The following KCNMA1 variants were observed in gnomAD, a reference collection of about 807,000 sequenced individuals.
KCNMA1 encodes Calcium-activated potassium channel subunit alpha-1.
A neutral mutation model predicts 140.0 loss-of-function variants in KCNMA1; 29 were observed. The ratio of observed to expected loss-of-function variants is 0.21; its 90% CI spans 0.15 to 0.28. The LOEUF (loss-of-function observed/expected upper bound fraction) is 0.28, where lower values mean the gene tolerates loss of function less well. KCNMA1 is among the 10% of genes least tolerant of loss of function. The pLI, the probability that KCNMA1 is intolerant of heterozygous loss-of-function variation, is 1.00. For synonymous variants in KCNMA1, 612 were observed against 611.9 expected, an observed-to-expected ratio of 1.00 and a Z score of 0.00; for missense variants, 880 against 1,602.2, an observed-to-expected ratio of 0.55 and a Z score of 7.70.
intron 2 of KCNMA1, among the ~76,000 whole-genome samples, chr10:77,297,610 G>T (rs139798275): frequency 6.6e-6 from 1 of 152,126 alleles, no homozygotes; most frequent in Non-Finnish European, 1.5e-5. Flanking sequence ...CACTACACAC[G>T]TCTGGTGGCA....
At chr10:77,560,045 T>A (rs1183384894) in intron 1 of KCNMA1, among the ~76,000 whole-genome samples, 1 of 148,620 alleles carries the variant, frequency 6.7e-6, no homozygotes, top group African/African-American at 2.5e-5. Context: ...CAGCCAGGCG[T>A]GGTGGCGGGT....
chr10:77,398,797 G>C (rs1371451019), intron 2 of KCNMA1, among the ~76,000 whole-genome samples: 1 of 152,130 alleles, frequency 6.6e-6, no homozygotes, highest in Non-Finnish European at 1.5e-5. Context: ...CCCTGAATTT[G>C]ACTACCACTG....
chr10:77,542,673 C>T (rs1009688223), intron 1 of KCNMA1, among the ~76,000 whole-genome samples: 2 of 151,850 alleles, frequency 1.3e-5, no homozygotes, highest in Non-Finnish European at 2.9e-5. Flanking sequence ...AAAACAAAAA[C>T]CAATAAGTGA....
At chr10:77,292,857 AG>A (rs2073753262) in intron 2 of KCNMA1, among the ~76,000 whole-genome samples, 1 of 152,254 alleles carries the variant, frequency 6.6e-6, no homozygotes, top group Non-Finnish European at 1.5e-5. Flanking sequence ...GAATACAATA[AG>A]CAAGTAAGCA....
At chr10:77,486,601 C>G (rs370273868) in intron 1 of KCNMA1, among the ~76,000 whole-genome samples, 4 of 152,312 alleles carry the variant, frequency 2.6e-5, no homozygotes, top group East Asian at 3.9e-4. Context: ...ACAGTGAGCT[C>G]TCCATGAGAA....
chr10:77,328,662 T>C (rs1186203764), intron 2 of KCNMA1, among the ~76,000 whole-genome samples: 2 of 152,158 alleles, frequency 1.3e-5, no homozygotes, highest in South Asian at 2.1e-4. Flanking sequence ...TTGCAAATAG[T>C]TGAAGACCTC....
intron 2 of KCNMA1, among the ~76,000 whole-genome samples, chr10:77,311,772 G>A (rs1041108800): frequency 3.7e-4 from 56 of 152,236 alleles, no homozygotes; most frequent in African/African-American, 1.0e-3. Context: ...ATGACATTCC[G>A]CAAGGCTGGA....
At chr10:76,942,373 A>G (rs2152852125) in intron 23 of KCNMA1, among the ~76,000 whole-genome samples, 1 of 152,314 alleles carries the variant, frequency 6.6e-6, no homozygotes, top group Non-Finnish European at 1.5e-5. Flanking sequence ...TAGGATTTCA[A>G]TGTATGTATT....
At chr10:77,275,295 A>C (rs1449668268) in intron 2 of KCNMA1, among the ~76,000 whole-genome samples, 1 of 151,992 alleles carries the variant, frequency 6.6e-6, no homozygotes, top group African/African-American at 2.4e-5. Flanking sequence ...GTACCCAGAA[A>C]ACCTGGGCTC....
chr10:77,063,216 C>A (rs2095820185), intron 14 of KCNMA1, among the ~76,000 whole-genome samples: 1 of 152,080 alleles, frequency 6.6e-6, no homozygotes, highest in African/African-American at 2.4e-5. Flanking sequence ...AGTTTGAGAC[C>A]AGCCTGGGCA....
intron 1 of KCNMA1, among the ~76,000 whole-genome samples, chr10:77,405,909 G>A (rs1054793397): frequency 1.3e-5 from 2 of 152,186 alleles, no homozygotes; most frequent in African/African-American, 4.8e-5. Flanking sequence ...GCCACGGCAG[G>A]CAGGAAGCTG....
At chr10:77,475,701 T>C (rs1282361128) in intron 1 of KCNMA1, among the ~76,000 whole-genome samples, 1 of 152,126 alleles carries the variant, frequency 6.6e-6, no homozygotes, top group Non-Finnish European at 1.5e-5. Context: ...CAAAGTCCTG[T>C]AGCCAGTACA....
chr10:77,065,838 A>G lies in KCNMA1; in HGVS notation c.1749+7259T>C, dbSNP rs112932325. ...AAATGCAGTTCTAATGCCTTAGAGG[A>G]AAGACTCAACTGAGAAATTAATATT... On this transcript the variant is annotated intron_variant, in intron 14 of 27. Coordinates refer to ENST00000286628, the MANE Select transcript of KCNMA1 (RefSeq NM_001161352.2). Among the ~76,000 whole-genome samples the G allele has an allele frequency of 5.3e-3, 808 of 152,288 alleles. 6 individuals carry two copies. The highest frequency in any genetic ancestry group is 0.019 in the African/African-American group (774 of 41,536).
In KCNMA1 at chr10:77,386,413, C is replaced by T. The variant is rs142569215; in HGVS notation, c.540+17449G>A. 4.6e-3 allele frequency among the ~76,000 whole-genome samples: 706 copies of T among 152,270 alleles called. 3 individuals are homozygous for T. The highest frequency in any genetic ancestry group is 5.9e-3 in the Non-Finnish European group (399 of 68,016). Reference sequence around the variant, plus strand: ...AAGGGGAAGAGGAAGAATTGAGGAACGAATGAGGAGTCTGAGAGTGAGTTA... The same window carrying T: ...AAGGGGAAGAGGAAGAATTGAGGAATGAATGAGGAGTCTGAGAGTGAGTTA... On this transcript the variant is annotated intron_variant, in intron 2 of 27. Coordinates refer to ENST00000286628, the MANE Select transcript of KCNMA1 (RefSeq NM_001161352.2).
rs1567439942 is a variant in KCNMA1 at position 77,543,033 on chromosome 10, CT to C, written c.378+94231del. On this transcript the variant is annotated intron_variant, in intron 1 of 27. Transcript: ENST00000286628. Reference sequence around the variant, plus strand: ...TCTCTCTCTTTCTCTCTCTCTCATTCTCTCTCTCTTTCTCTCTCTCTCATTC... The same window carrying C: ...TCTCTCTCTTTCTCTCTCTCTCATTCCTCTCTCTTTCTCTCTCTCTCATTC... 1.1e-4 allele frequency among the ~76,000 whole-genome samples: 3 copies of C among 26,892 alleles called. 1 individual carries two copies. In the East Asian group the frequency reaches 7.4e-3, roughly 66 times the overall value. The allele number at this position is 26,892 out of a possible 152,430, so 17.6% of individuals were successfully genotyped here.
intron 2 of KCNMA1, among the ~76,000 whole-genome samples, chr10:77,341,785 C>T (rs910577193): frequency 9.8e-5 from 15 of 152,332 alleles, no homozygotes; most frequent in African/African-American, 2.2e-4. Context: ...TGGAAGGAAA[C>T]GCTGGGTCCA....
intron 2 of KCNMA1, among the ~76,000 whole-genome samples, chr10:77,359,230 T>C (rs1353926790): frequency 1.3e-5 from 2 of 152,150 alleles, no homozygotes; most frequent in African/African-American, 2.4e-5. Flanking sequence ...TTGAATCTCA[T>C]AGGTGTGGAA....
At chr10:77,340,063 CCTAA>C (rs373020037) in intron 2 of KCNMA1, among the ~76,000 whole-genome samples, 1 of 152,274 alleles carries the variant, frequency 6.6e-6, no homozygotes, top group African/African-American at 2.4e-5. Context: ...CCCAAGGAAT[CCTAA>C]CTAACACAGA....
chr10:77,196,565 C>T (rs1016427889), intron 3 of KCNMA1, among the ~76,000 whole-genome samples: 2 of 152,148 alleles, frequency 1.3e-5, no homozygotes, highest in Admixed American at 1.3e-4. Context: ...CAATATAATA[C>T]ATGGGATATG....
Sources: allele counts gnomAD v4.1 joint callset (sites outside exome capture counted in the v4.1 genomes callset), GRCh38; gene constraint gnomAD v4.1.1; transcripts MANE v1.5; gene names NCBI Gene and HGNC (gene_info 2026-07-23, HGNC 2026-07-21).